The following TRAK2 variants were observed in gnomAD, a reference collection of about 807,000 sequenced individuals.
The protein encoded by TRAK2 is trafficking kinesin-binding protein 2.
TRAK2 carries 81 observed loss-of-function variants against 104.6 expected under a neutral mutation model. The observed-to-expected ratio is 0.77, with a 90% CI of 0.65 to 0.93. The LOEUF is 0.93. Among genes scored for constraint, TRAK2 ranks in the 40% least tolerant of loss-of-function variants. TRAK2 has a pLI of 0.00. For synonymous variants in TRAK2, 406 were observed against 394.4 expected, an observed-to-expected ratio of 1.03 and a Z score of -0.35; for missense variants, 1,002 against 1,089.0, an observed-to-expected ratio of 0.92 and a Z score of 1.12.
chr2:201,441,848 C>A (rs572972277), intron 1 of TRAK2, among the ~76,000 whole-genome samples: 1 of 151,626 alleles, frequency 6.6e-6, no homozygotes, highest in African/African-American at 2.4e-5. Context: ...TGCTCCACCA[C>A]GCCCAGCTAA....
chr2:201,390,031 T>G (rs1951431475), intron 10 of TRAK2, 151 bp from the exon 11 acceptor site: 1 of 580,348 alleles, frequency 1.7e-6, no homozygotes, highest in Non-Finnish European at 3.0e-6. Context: ...AAATATAACT[T>G]TTAAATAAGA....
chr2:201,450,722 G>C (rs958719944), intron 1 of TRAK2, among the ~76,000 whole-genome samples: 4 of 150,014 alleles, frequency 2.7e-5, no homozygotes, highest in African/African-American at 4.9e-5. Flanking sequence ...AGAAACAGCA[G>C]GTCTAAGCAA....
At chr2:201,403,828 G>A (rs1425225020) in intron 3 of TRAK2, among the ~76,000 whole-genome samples, 1 of 151,376 alleles carries the variant, frequency 6.6e-6, no homozygotes, top group East Asian at 1.9e-4. Context: ...AAATGCCTAA[G>A]TATTTGTTAT....
At chr2:201,397,674 C>A in intron 6 of TRAK2, 94 bp from the exon 7 acceptor site, 1 of 915,044 alleles carries the variant, frequency 1.1e-6, no homozygotes, top group South Asian at 1.6e-5. Context: ...GACTAAATTT[C>A]ATCACTTACA....
At position 201,380,686 on chromosome 2, in the gene TRAK2, G is replaced by A. The variant is rs771922975; in HGVS notation, c.2602C>T (p.Pro868Ser). The A allele has an allele frequency of 1.2e-6, 2 of 1,614,052 alleles. No individual in the cohort carries two copies. The highest frequency in any genetic ancestry group is 1.7e-6 in the Non-Finnish European group (2 of 1,179,968). The change falls in exon 16 of 16, where the codon CCA becomes TCA. Residue 868 changes from proline (P) to serine (S), a missense_variant. Pro to Ser is a moderately conservative substitution (Grantham distance 74, BLOSUM62 -1). Coordinates refer to ENST00000332624, the MANE Select transcript of TRAK2 (RefSeq NM_015049.3). ...CQEAEIGPQK[P>S]DSAVYLNSGS... ...GAATTTAAATAAACAGCAGAATCTG[G>A]TTTTTGAGGACCAATTTCTGCCTCC... is the stretch of plus-strand genomic sequence containing the variant.
intron 1 of TRAK2, among the ~76,000 whole-genome samples, chr2:201,439,624 C>T (rs1300627257): frequency 6.6e-6 from 1 of 151,768 alleles, no homozygotes; most frequent in Non-Finnish European, 1.5e-5. Context: ...GGATTATAAA[C>T]TTTTAAAGAG....
At chr2:201,399,191 G>A (rs1356765632) in intron 5 of TRAK2, among the ~76,000 whole-genome samples, 186 bp downstream of exon 5, 4 of 152,040 alleles carry the variant, frequency 2.6e-5, no homozygotes, top group African/African-American at 2.4e-5. Context: ...AGGTAGTTAC[G>A]TGAGTTCTCC....
chr2:201,449,094 G>A (rs1323672167), intron 1 of TRAK2, among the ~76,000 whole-genome samples: 1 of 152,152 alleles, frequency 6.6e-6, no homozygotes, highest in Admixed American at 6.5e-5. Context: ...ATTTGGAATG[G>A]GCTTTTCGGG....
In TRAK2 at chr2:201,441,398, T is replaced by C. The variant is rs1055700678; in HGVS notation, c.-200+9952A>G. 3.9e-5 allele frequency among the ~76,000 whole-genome samples: 6 copies of C among 152,312 alleles called. No homozygotes were observed. In the East Asian group the frequency reaches 1.2e-3, roughly 29 times the overall value. The stretch of plus-strand genomic sequence containing the variant: ...CAGCTGATCATGAATGCATTTAAAA[T>C]AAGCCCCACATCAAATGAGAAATGG... On this transcript the variant is annotated intron_variant, in intron 1 of 15. Coordinates refer to ENST00000332624, the MANE Select transcript of TRAK2 (RefSeq NM_015049.3).
At chr2:201,430,042 C>G (rs111288699) in intron 1 of TRAK2, among the ~76,000 whole-genome samples, 37 of 152,320 alleles carry the variant, frequency 2.4e-4, no homozygotes, top group African/African-American at 8.4e-4. Context: ...AGTTTTCCTT[C>G]TAACAGTCAG....
rs771414430 is a variant in TRAK2, at chr2:201,393,032, T to C, written c.990A>G (p.Gln330=). The C allele has an allele frequency of 6.2e-7, 1 of 1,611,544 alleles. No individual in the cohort carries two copies. Among genetic ancestry groups the C allele is most frequent in the East Asian group, 2.2e-5 (1 of 44,836 alleles). Residue 330 remains glutamine (Q), a synonymous_variant, in exon 10 of 16, where the codon CAA becomes CAG. Transcript: ENST00000332624. ...TTCCTAGACACTCCATATTCCTGTC[T>C]TGTAACTCGTGCAGCTAAAAGAAAG... ...RQLTMELHEL[Q]DRNMECLGML... is the part of the protein sequence containing the mutation.
intron 3 of TRAK2, among the ~76,000 whole-genome samples, chr2:201,403,174 T>C (rs1236220207): frequency 6.6e-5 from 10 of 152,160 alleles, no homozygotes; most frequent in East Asian, 1.9e-4. Flanking sequence ...GAATAAAATA[T>C]GTTTTAGTGA....
chr2:201,408,190 C>T (rs1951613269), intron 2 of TRAK2, among the ~76,000 whole-genome samples: 2 of 152,198 alleles, frequency 1.3e-5, no homozygotes, highest in South Asian at 4.1e-4. Flanking sequence ...CTACTCTCTA[C>T]TTCTAGCAGA....
Position 201,397,467 on chromosome 2 carries a change from CA to C in TRAK2, c.769+34del. ...GGAGATACCCTACCAAAGAATTGTC[CA>C]AAAAGGTACAAAAGAGAATATGTTA... On this transcript the variant is annotated intron_variant, in intron 7 of 15. Transcript: ENST00000332624. The C allele has an allele frequency of 4.6e-6, 7 of 1,528,246 alleles. 1 individual carries two copies. Among genetic ancestry groups the C allele is most frequent in the South Asian group, 3.5e-5 (3 of 84,818 alleles). 94.7% of individuals were successfully genotyped at this position (1,528,246 alleles called of 1,614,324 possible). A position where few individuals can be genotyped will look rare whatever the true frequency, so the allele number is the denominator to read the frequency against.
chr2:201,440,943 G>C (rs938498439), intron 1 of TRAK2, among the ~76,000 whole-genome samples: 1 of 152,184 alleles, frequency 6.6e-6, no homozygotes, highest in African/African-American at 2.4e-5. Context: ...CTCAAAGGAA[G>C]GGACCTTATT....
chr2:201,389,999 CA>C lies in TRAK2; in HGVS notation c.1114-120del, dbSNP rs997783511. 7 of 674,136 alleles carry C rather than the reference CA, an allele frequency of 1.0e-5. No individual in the cohort carries two copies. The Admixed American group carries it at 1.2e-4, about 12-fold the overall frequency. The allele number at this position is 674,136 out of a possible 1,614,324, so 41.8% of individuals were successfully genotyped here. On this transcript the variant is annotated intron_variant, in intron 10 of 15. Transcript: ENST00000332624. Reference sequence around the variant, plus strand: ...CAAGGAAATAGTCAAGGCTAACATTCAGGGGAAAAAAGACATTCTGGAAATA... The same window carrying C: ...CAAGGAAATAGTCAAGGCTAACATTCGGGGAAAAAAGACATTCTGGAAATA...
rs757199069 is a variant in TRAK2 at position 201,398,371 on chromosome 2, C to T, written c.481-17G>A. The T allele has an allele frequency of 5.0e-6, 8 of 1,599,610 alleles. No individual in the cohort carries two copies. The South Asian group carries it at 5.5e-5, about 11-fold the overall frequency. ...CTGATTAACCTGTCCATATAAAATG[C>T]TTGATTTTCATGTTCTTTATTTTGC... On this transcript the variant is annotated splice_polypyrimidine_tract_variant and intron_variant, in intron 5 of 15. Coordinates refer to ENST00000332624, the MANE Select transcript of TRAK2 (RefSeq NM_015049.3).
intron 10 of TRAK2, among the ~76,000 whole-genome samples, chr2:201,392,525 A>G (rs1340568102): frequency 6.6e-6 from 1 of 152,172 alleles, no homozygotes; most frequent in African/African-American, 2.4e-5. Context: ...TAACAAGTTA[A>G]AAATATCAGG....
At chr2:201,417,255 A>AG (rs927105574) in intron 2 of TRAK2, among the ~76,000 whole-genome samples, 6 of 150,558 alleles carry the variant, frequency 4.0e-5, no homozygotes, top group African/African-American at 1.2e-4. Flanking sequence ...AAAAAAAAAA[A>AG]AAAAGAAAAG....
Sources: gnomAD v4.1 joint callset for allele counts (sites outside exome capture counted in the v4.1 genomes callset) on GRCh38, gnomAD v4.1.1 for gene constraint, MANE v1.5 for transcripts, NCBI Gene and HGNC (gene_info 2026-07-23, HGNC 2026-07-21) for gene names.